Variants in ZNF275 observed in about 807,000 individuals in gnomAD.
ZNF275 encodes zinc finger protein 275.
ZNF275 carries 4 observed loss-of-function variants against 4.3 expected under a neutral mutation model. The observed-to-expected ratio is 0.93, with a 90% CI of 0.46 to 2.13. The LOEUF (loss-of-function observed/expected upper bound fraction) is 2.13, where lower values mean the gene tolerates loss of function less well. ZNF275 is among the 30% of genes most tolerant of loss of function. The pLI, the probability that ZNF275 is intolerant of heterozygous loss-of-function variation, is 0.02. For synonymous variants in ZNF275, 173 were observed against 166.9 expected, an observed-to-expected ratio of 1.04 and a Z score of -0.28; for missense variants, 352 against 397.1, an observed-to-expected ratio of 0.89 and a Z score of 0.97.
In ZNF275 at chrX:153,350,800, T is replaced by G. The variant is rs2088551627; in HGVS notation, c.*2825T>G. 1 of 124,235 alleles carries G rather than the reference T, an allele frequency of 8.0e-6. No homozygotes were observed. The highest frequency in any genetic ancestry group is 1.9e-5 in the Non-Finnish European group (1 of 53,420). The allele number at this position is 124,235 out of a possible 1,213,427, so 10.2% of individuals were successfully genotyped here. On this transcript the variant is annotated 3_prime_UTR_variant, in exon 4 of 4. Coordinates refer to ENST00000650114, the MANE Select transcript of ZNF275 (RefSeq NM_001367757.1). ...GTTGTGAATCTGTGTCTGAAATCACTACTTTCTTCTCGGATCCTTTTTCTC... is the reference window on the plus strand; with the variant it reads ...GTTGTGAATCTGTGTCTGAAATCACGACTTTCTTCTCGGATCCTTTTTCTC...
chrX:153,334,294 G>A lies in ZNF275; in HGVS notation c.-47+9G>A, dbSNP rs1175077270. The A allele has an allele frequency of 4.4e-5, 5 of 112,651 alleles. No homozygotes were observed. The East Asian group carries it at 1.1e-3, about 25-fold the overall frequency. The allele number at this position is 112,651 out of a possible 1,213,427, so 9.3% of individuals were successfully genotyped here. On this transcript the variant is annotated intron_variant, in intron 1 of 3. Coordinates refer to ENST00000650114, the MANE Select transcript of ZNF275 (RefSeq NM_001367757.1). ...GCCGCCGCCGGGCCTGGGTGAGTGTGCGGGCCGCGGGAGGATGTGCGGGGG... is the reference window on the plus strand; with the variant it reads ...GCCGCCGCCGGGCCTGGGTGAGTGTACGGGCCGCGGGAGGATGTGCGGGGG...
At chrX:153,343,088 C>T (rs1301788555) in intron 2 of ZNF275, among the ~76,000 whole-genome samples, 3 of 112,839 alleles carry the variant, frequency 2.7e-5, no homozygotes, top group Non-Finnish European at 3.7e-5. Context: ...TTCTGTGCTT[C>T]CTGCTGTCCA....
intron 2 of ZNF275, chrX:153,345,120 G>A (rs1297614632): frequency 1.5e-5 from 3 of 197,606 alleles, no homozygotes; most frequent in African/African-American, 8.7e-5. Flanking sequence ...CACCCATTAG[G>A]GGTCTGCATG....
chrX:153,335,093 G>A (rs1476388646), intron 1 of ZNF275, among the ~76,000 whole-genome samples: 2 of 107,174 alleles, frequency 1.9e-5, no homozygotes, highest in Non-Finnish European at 3.9e-5. Context: ...TCTATATTTG[G>A]GTGATTAATT....
rs1410122658 is a variant in ZNF275, at chrX:153,347,310, T to C, written c.625T>C (p.Phe209Leu). The stretch of plus-strand genomic sequence containing the variant: ...GAGGGTCCACAGCAGAGAGAAGCCC[T>C]TTGATTGCGAGGAATGCGGGCGGTC... Reference protein sequence around the residue: ...HLRVHSREKPFDCEECGRSFK... With the variant: ...HLRVHSREKPLDCEECGRSFK... The change falls in exon 4 of 4, where the codon TTT becomes CTT. Residue 209 changes from phenylalanine to leucine, a missense_variant. Transcript: ENST00000650114. The C allele has an allele frequency of 8.3e-7, 1 of 1,210,241 alleles. No individual in the cohort carries two copies. The highest frequency in any genetic ancestry group is 1.1e-6 in the Non-Finnish European group (1 of 895,175).
In ZNF275 at chrX:153,348,663, G is replaced by A. The variant is rs369418308; in HGVS notation, c.*688G>A. The A allele has an allele frequency of 8.2e-6, 1 of 122,225 alleles. No homozygotes were observed. The highest frequency in any genetic ancestry group is 1.9e-5 in the Non-Finnish European group (1 of 53,073). The allele number at this position is 122,225 out of a possible 1,213,427, so 10.1% of individuals were successfully genotyped here. ...AGTCACTTCCATCCGAGCTCTGCAC[G>A]GTCGCTCAGTGACGATCCCTTCATG... On this transcript the variant is annotated 3_prime_UTR_variant, in exon 4 of 4. Coordinates refer to ENST00000650114, the MANE Select transcript of ZNF275 (RefSeq NM_001367757.1).
chrX:153,338,741 A>G (rs2088463112), intron 2 of ZNF275, among the ~76,000 whole-genome samples: 1 of 106,392 alleles, frequency 9.4e-6, no homozygotes. Context: ...AGACGAAGAA[A>G]GAGAGAGAGG....
chrX:153,341,521 T>G (rs1393200265), intron 2 of ZNF275, among the ~76,000 whole-genome samples: 1 of 112,335 alleles, frequency 8.9e-6, no homozygotes, highest in Non-Finnish European at 1.9e-5. Flanking sequence ...TCCCCACATA[T>G]TTACATTCCT....
At chrX:153,339,230 C>G (rs1368953517) in intron 2 of ZNF275, among the ~76,000 whole-genome samples, 9 of 111,584 alleles carry the variant, frequency 8.1e-5, no homozygotes, top group African/African-American at 2.9e-4. Context: ...AGAAAGTGCC[C>G]CTGCGCTGTT....
intron 3 of ZNF275, 116 bp from the exon 4 acceptor site, chrX:153,346,703 G>A (rs1201262612): frequency 4.0e-5 from 33 of 818,768 alleles, no homozygotes; most frequent in Middle Eastern, 6.3e-4. Flanking sequence ...GGTGGCTTCC[G>A]GGCCCAGGCC....
intron 2 of ZNF275, 23 bp downstream of exon 2, chrX:153,336,733 G>A (rs2088448612): frequency 8.6e-7 from 1 of 1,165,322 alleles, no homozygotes; most frequent in South Asian, 1.9e-5. Flanking sequence ...GTTTATGCAT[G>A]GTGTCTGCTG....
rs1326996932 is a variant in ZNF275 at position 153,348,377 on chromosome X, C to G, written c.*402C>G. ...CCAGCTTTCCTGAAGAGAACGTTGC[C>G]CTCATGATTTTTGGCCTACTTGAAT... On this transcript the variant is annotated 3_prime_UTR_variant, in exon 4 of 4. Transcript: ENST00000650114. The G allele has an allele frequency of 8.2e-6, 1 of 122,608 alleles. No individual in the cohort carries two copies. The highest frequency in any genetic ancestry group is 1.9e-5 in the Non-Finnish European group (1 of 53,231). The allele number at this position is 122,608 out of a possible 1,213,427, so 10.1% of individuals were successfully genotyped here.
Position 153,347,989 on chromosome X carries a change from T to A in ZNF275, c.*14T>A. The A allele has an allele frequency of 9.1e-7, 1 of 1,100,974 alleles. No homozygotes were observed. The highest frequency in any genetic ancestry group is 3.2e-4 in the Middle Eastern group (1 of 3,142). The allele number at this position is 1,100,974 out of a possible 1,213,427, so 90.7% of individuals were successfully genotyped here. On this transcript the variant is annotated 3_prime_UTR_variant, in exon 4 of 4. Coordinates refer to ENST00000650114, the MANE Select transcript of ZNF275 (RefSeq NM_001367757.1). Reference sequence around the variant, plus strand: ...CACCACGAGTAGAAACGCCCTGTGGTCCCGCGGGACAGGGACGGAGTCCCC... The same window carrying A: ...CACCACGAGTAGAAACGCCCTGTGGACCCGCGGGACAGGGACGGAGTCCCC...
At position 153,347,332 on chromosome X, in the gene ZNF275, G is replaced by A. The variant is rs782151498; in HGVS notation, c.647G>A (p.Arg216Gln). The A allele has an allele frequency of 2.5e-6, 3 of 1,211,869 alleles. No individual in the cohort carries two copies. The highest frequency in any genetic ancestry group is 1.8e-5 in the South Asian group (1 of 57,024). ...EKPFDCEECG[R>Q]SFKVNTHLFR... ...CCCTTTGATTGCGAGGAATGCGGGC[G>A]GTCGTTCAAAGTCAACACCCACCTC... Residue 216 changes from arginine (R) to glutamine (Q), a missense_variant, in exon 4 of 4, where the codon CGG (arginine) becomes CAG (glutamine). By Grantham distance (43) the Arg-to-Gln change is conservative. Transcript: ENST00000650114.
Position 153,347,384 on chromosome X carries a change from G to C in ZNF275, c.699G>C (p.Ser233=). Residue 233 remains serine (S), a synonymous_variant, in exon 4 of 4, where the codon TCG becomes TCC. Transcript: ENST00000650114. ...HLFRHQKLHT[S]EKPFACKACS... is the part of the protein sequence containing the mutation. ...TCCGACATCAGAAACTTCACACTTC[G>C]GAAAAGCCTTTCGCCTGCAAGGCGT... 1.6e-6 allele frequency: 2 copies of C among 1,212,207 alleles called. No individual in the cohort carries two copies. The highest frequency in any genetic ancestry group is 2.2e-6 in the Non-Finnish European group (2 of 895,542).
At position 153,347,186 on chromosome X, in the gene ZNF275, C is replaced by T. The variant is rs373697295; in HGVS notation, c.501C>T (p.Ala167=). 4 of 1,207,649 alleles carry T rather than the reference C, an allele frequency of 3.3e-6. No individual in the cohort carries two copies. The highest frequency in any genetic ancestry group is 1.8e-5 in the African/African-American group (1 of 56,935). Residue 167 remains alanine (A), a synonymous_variant, in exon 4 of 4, where the codon GCC becomes GCT. Coordinates refer to ENST00000650114, the MANE Select transcript of ZNF275 (RefSeq NM_001367757.1). ...GCCCCAGTAGGGCCCTGGAGAATGC[C>T]GCGGAGAAGAGGGAGCAGATGGAGA... ...QPGPSRALEN[A]AEKREQMERE...
chrX:153,345,488 T>TC (rs2088506755), intron 2 of ZNF275, 32 bp from the exon 3 acceptor site: 1 of 1,126,866 alleles, frequency 8.9e-7, no homozygotes, highest in South Asian at 1.8e-5. Flanking sequence ...TCTCTGGCTG[T>TC]TGCCATAACC....
intron 2 of ZNF275, chrX:153,344,274 A>C: frequency 3.3e-6 from 1 of 303,851 alleles, no homozygotes; most frequent in South Asian, 3.0e-5. Flanking sequence ...ATCTGGCCTC[A>C]GCCTCTGTCT....
At chrX:153,338,412 G>A (rs2088459565) in intron 2 of ZNF275, among the ~76,000 whole-genome samples, 1 of 110,525 alleles carries the variant, frequency 9.0e-6, no homozygotes, top group Non-Finnish European at 1.9e-5. Flanking sequence ...GTCACTGTGG[G>A]TGGTGATCAC....
Sources: gnomAD v4.1 joint callset for allele counts (sites outside exome capture counted in the v4.1 genomes callset) on GRCh38, gnomAD v4.1.1 for gene constraint, MANE v1.5 for transcripts, NCBI Gene and HGNC (gene_info 2026-07-23, HGNC 2026-07-21) for gene names.